Variants in SGCZ observed in about 807,000 individuals in gnomAD.
SGCZ encodes zeta-sarcoglycan.
A neutral mutation model predicts 41.3 loss-of-function variants in SGCZ; 40 were observed. The observed-to-expected ratio is 0.97, with a 90% CI of 0.75 to 1.26. The LOEUF is 1.26. SGCZ is among the 50% of genes most tolerant of loss of function. The pLI, the probability that SGCZ is intolerant of heterozygous loss-of-function variation, is 0.00. For missense variants in SGCZ, 552 were observed against 369.8 expected, an observed-to-expected ratio of 1.49 and a Z score of -4.04; for synonymous variants, 206 against 137.5, an observed-to-expected ratio of 1.50 and a Z score of -3.49.
Position 14,884,824 on chromosome 8 carries a change from T to C in SGCZ, c.40-329898A>G, listed in dbSNP as rs576975500. ...TAAAAGAAAGCTCTAGAGATATCTCTTCTTACCCCATCTCCTTTCAATCCT... is the reference window on the plus strand; with the variant it reads ...TAAAAGAAAGCTCTAGAGATATCTCCTCTTACCCCATCTCCTTTCAATCCT... On this transcript the variant is annotated intron_variant, in intron 1 of 7. Transcript: ENST00000382080. Among the ~76,000 whole-genome samples the C allele has an allele frequency of 5.8e-4, 89 of 152,268 alleles. 1 individual carries two copies. The highest frequency in any genetic ancestry group is 6.8e-3 in the Middle Eastern group (2 of 294).
chr8:14,499,244 T>C (rs1802078679), intron 2 of SGCZ, among the ~76,000 whole-genome samples: 1 of 152,094 alleles, frequency 6.6e-6, no homozygotes, highest in Non-Finnish European at 1.5e-5. Flanking sequence ...TACTTCATAT[T>C]TGTGAATTGG....
At chr8:14,890,505 G>A (rs1257319544) in intron 1 of SGCZ, among the ~76,000 whole-genome samples, 3 of 152,174 alleles carry the variant, frequency 2.0e-5, no homozygotes, top group African/African-American at 7.2e-5. Context: ...ACTGAGAGAG[G>A]TGAGGAAGCT....
At chr8:14,400,381 AC>A (rs1799038076) in intron 2 of SGCZ, among the ~76,000 whole-genome samples, 2 of 152,270 alleles carry the variant, frequency 1.3e-5, no homozygotes, top group South Asian at 2.1e-4. Flanking sequence ...TAGAACATTT[AC>A]CACTTTGTAG....
chr8:14,821,441 T>C (rs1802080070), intron 1 of SGCZ, among the ~76,000 whole-genome samples: 2 of 151,964 alleles, frequency 1.3e-5, no homozygotes, highest in South Asian at 4.1e-4. Flanking sequence ...AAACTAAAGA[T>C]GAGGGAAAAC....
intron 1 of SGCZ, among the ~76,000 whole-genome samples, chr8:14,920,860 A>G (rs1361334039): frequency 1.3e-5 from 2 of 152,208 alleles, no homozygotes; most frequent in African/African-American, 4.8e-5. Flanking sequence ...TAGCATTGCT[A>G]TAGTGGCACT....
At chr8:14,727,194 T>C (rs1374561593) in intron 1 of SGCZ, among the ~76,000 whole-genome samples, 3 of 152,088 alleles carry the variant, frequency 2.0e-5, no homozygotes, top group African/African-American at 4.8e-5. Context: ...AAAGAAGACA[T>C]ATAAATAGTC....
chr8:14,728,335 T>C (rs1297198198), intron 1 of SGCZ, among the ~76,000 whole-genome samples: 1 of 134,360 alleles, frequency 7.4e-6, no homozygotes, highest in Non-Finnish European at 1.6e-5. Context: ...TAAGCATTCA[T>C]CTCAAAATAG....
intron 1 of SGCZ, among the ~76,000 whole-genome samples, chr8:15,044,935 T>C (rs958609050): frequency 2.6e-5 from 4 of 152,064 alleles, no homozygotes; most frequent in Admixed American, 1.3e-4. Flanking sequence ...GATGGTTTTG[T>C]TTGGTTGCAT....
At chr8:14,925,068 G>T (rs918641180) in intron 1 of SGCZ, among the ~76,000 whole-genome samples, 1 of 152,016 alleles carries the variant, frequency 6.6e-6, no homozygotes, top group African/African-American at 2.4e-5. Flanking sequence ...GTGTTGGCCA[G>T]GCTGCTCTCG....
At chr8:14,279,654 T>G (rs750035992) in intron 3 of SGCZ, among the ~76,000 whole-genome samples, 2 of 152,040 alleles carry the variant, frequency 1.3e-5, no homozygotes, top group South Asian at 4.1e-4. Flanking sequence ...TATAGCTTCT[T>G]TGACTGCACA....
At chr8:14,474,547 A>C (rs2116987224) in intron 2 of SGCZ, among the ~76,000 whole-genome samples, 1 of 152,310 alleles carries the variant, frequency 6.6e-6, no homozygotes, top group Non-Finnish European at 1.5e-5. Context: ...TACTTTGTAG[A>C]GCGCTCCATG....
At chr8:14,971,102 TTCTG>T (rs1159993288) in intron 1 of SGCZ, among the ~76,000 whole-genome samples, 22 of 152,332 alleles carry the variant, frequency 1.4e-4, no homozygotes, top group African/African-American at 5.1e-4. Flanking sequence ...ATACAATTGA[TTCTG>T]TATATCGATT....
intron 1 of SGCZ, among the ~76,000 whole-genome samples, chr8:15,184,949 T>C (rs1480355044): frequency 6.6e-6 from 1 of 152,162 alleles, no homozygotes; most frequent in Admixed American, 6.5e-5. Context: ...ATGGAGACTG[T>C]AACTGGGGAG....
chr8:14,617,255 T>G (rs1806134774), intron 1 of SGCZ, among the ~76,000 whole-genome samples: 1 of 152,166 alleles, frequency 6.6e-6, no homozygotes, highest in Non-Finnish European at 1.5e-5. Flanking sequence ...CATATTTATT[T>G]TTTCAAATCA....
At chr8:14,694,110 A>G (rs186463725) in intron 1 of SGCZ, among the ~76,000 whole-genome samples, 210 of 152,290 alleles carry the variant, frequency 1.4e-3, no homozygotes, top group African/African-American at 5.0e-3. Context: ...CTTAAAATTG[A>G]TTGAATATAA....
At chr8:15,146,111 G>C (rs1298661082) in intron 1 of SGCZ, among the ~76,000 whole-genome samples, 2 of 150,602 alleles carry the variant, frequency 1.3e-5, no homozygotes. Context: ...TGAGCAATTT[G>C]AAATAAATGA....
At chr8:14,189,280 A>G (rs1805014916) in intron 4 of SGCZ, among the ~76,000 whole-genome samples, 1 of 152,022 alleles carries the variant, frequency 6.6e-6, no homozygotes, top group African/African-American at 2.4e-5. Context: ...TCTTCTTCAC[A>G]CAGAAGCCAG....
intron 1 of SGCZ, among the ~76,000 whole-genome samples, chr8:14,827,004 T>G: frequency 6.6e-6 from 1 of 152,138 alleles, no homozygotes. Context: ...CATGAAGTCC[T>G]TGCCCATGCC....
At chr8:14,671,654 A>G (rs565665438) in intron 1 of SGCZ, among the ~76,000 whole-genome samples, 1 of 152,284 alleles carries the variant, frequency 6.6e-6, no homozygotes, top group African/African-American at 2.4e-5. Flanking sequence ...ACTAAGCCTG[A>G]GACATTTATA....
Sources: gnomAD v4.1 joint callset for allele counts (sites outside exome capture counted in the v4.1 genomes callset) on GRCh38, gnomAD v4.1.1 for gene constraint, MANE v1.5 for transcripts, NCBI Gene and HGNC (gene_info 2026-07-23, HGNC 2026-07-21) for gene names.